SYT1: variants seen among roughly 807,000 people sequenced by gnomAD.
SYT1 encodes synaptotagmin 1, also known as synaptotagmin-1.
Under a neutral mutation model 44.8 loss-of-function variants are expected in SYT1, and 8 were observed. The observed-to-expected ratio is 0.18, with a 90% CI of 0.10 to 0.32. The LOEUF (loss-of-function observed/expected upper bound fraction) is 0.32. Among genes scored for constraint, SYT1 ranks in the 10% least tolerant of loss-of-function variants. The pLI is 1.00. For synonymous variants in SYT1, 154 were observed against 188.8 expected (o/e 0.82, Z 1.51); for missense variants, 286 against 509.3 (o/e 0.56, Z 4.22).
At chr12:79,295,566 T>A (rs1879839438) in intron 6 of SYT1, among the ~76,000 whole-genome samples, 1 of 152,184 alleles carries the variant, frequency 6.6e-6, no homozygotes, top group Non-Finnish European at 1.5e-5. Flanking sequence ...TAATAGAAAC[T>A]AGAAGATCTT....
chr12:79,326,128 T>C (rs1371269532), intron 8 of SYT1, among the ~76,000 whole-genome samples: 2 of 152,224 alleles, frequency 1.3e-5, no homozygotes, highest in African/African-American at 2.4e-5. Context: ...AATTTTAGCA[T>C]AATTATTGAA....
At chr12:79,224,592 A>C (rs1424096811) in intron 4 of SYT1, among the ~76,000 whole-genome samples, 2 of 152,180 alleles carry the variant, frequency 1.3e-5, no homozygotes, top group South Asian at 2.1e-4. Flanking sequence ...CAGAAGATAA[A>C]TTTGAATGTA....
At chr12:78,992,153 T>C (rs1377480480) in intron 2 of SYT1, among the ~76,000 whole-genome samples, 2 of 152,184 alleles carry the variant, frequency 1.3e-5, no homozygotes, top group Non-Finnish European at 2.9e-5. Context: ...TTACCTAAAA[T>C]TCATTGTGGA....
At chr12:79,251,522 C>G (rs574327920) in intron 4 of SYT1, among the ~76,000 whole-genome samples, 1 of 152,188 alleles carries the variant, frequency 6.6e-6, no homozygotes, top group Non-Finnish European at 1.5e-5. Context: ...GCAAAATAGT[C>G]TTCCCATAAA....
chr12:79,334,474 G>A (rs1881997524), intron 8 of SYT1, among the ~76,000 whole-genome samples: 1 of 152,140 alleles, frequency 6.6e-6, no homozygotes, highest in African/African-American at 2.4e-5. Flanking sequence ...TCAGGGAAAG[G>A]CTCGGCGAGG....
chr12:79,132,970 G>C (rs1185917490), intron 3 of SYT1, among the ~76,000 whole-genome samples: 1 of 152,154 alleles, frequency 6.6e-6, no homozygotes, highest in Non-Finnish European at 1.5e-5. Flanking sequence ...GAAGGTCATT[G>C]TCAAGTGAAA....
At chr12:79,058,148 C>A (rs1875105760) in intron 3 of SYT1, among the ~76,000 whole-genome samples, 2 of 151,960 alleles carry the variant, frequency 1.3e-5, no homozygotes, top group Admixed American at 6.6e-5. Context: ...GGAAGCAATA[C>A]AAGCAGTCCC....
intron 2 of SYT1, chr12:79,045,956 T>C (rs1874019541): frequency 6.6e-6 from 1 of 152,224 alleles, no homozygotes; most frequent in East Asian, 1.9e-4. Flanking sequence ...TTTACCTTAA[T>C]GTGTATGTCC....
chr12:79,435,509 T>C (rs553942143), intron 9 of SYT1, among the ~76,000 whole-genome samples: 21 of 152,190 alleles, frequency 1.4e-4, no homozygotes, highest in Middle Eastern at 6.8e-3. Context: ...ATCTACCTCA[T>C]AACTATATGG....
intron 4 of SYT1, among the ~76,000 whole-genome samples, chr12:79,235,212 TC>T (rs1876116720): frequency 6.6e-6 from 1 of 152,222 alleles, no homozygotes; most frequent in African/African-American, 2.4e-5. Context: ...TATTTATATC[TC>T]CACAGGTGAT....
At chr12:79,241,605 T>C (rs1876517686) in intron 4 of SYT1, among the ~76,000 whole-genome samples, 1 of 152,220 alleles carries the variant, frequency 6.6e-6, no homozygotes, top group Admixed American at 6.5e-5. Flanking sequence ...ATTCATGTTT[T>C]TATAAAGCAT....
At chr12:79,416,777 G>A (rs1868767322) in intron 9 of SYT1, among the ~76,000 whole-genome samples, 1 of 152,030 alleles carries the variant, frequency 6.6e-6, no homozygotes, top group South Asian at 2.1e-4. Context: ...TGCTTTGAAA[G>A]GAAAATTTGA....
At position 79,239,961 on chromosome 12, in the gene SYT1, C is replaced by T. The variant is rs145066016; in HGVS notation, c.166+22276C>T. 4.2e-3 allele frequency among the ~76,000 whole-genome samples: 634 copies of T among 152,328 alleles called. 1 individual carries two copies. Among genetic ancestry groups the T allele is most frequent in the African/African-American group, 0.014 (601 of 41,576 alleles). On this transcript the variant is annotated intron_variant, in intron 4 of 10. Transcript: ENST00000261205. ...GGCCTAGTCATGCTTTAAGGGCTTG[C>T]AACTGGGCTCACCCAGGACAGTCTC...
At chr12:79,397,266 G>T (rs1340918981) in intron 9 of SYT1, among the ~76,000 whole-genome samples, 1 of 152,188 alleles carries the variant, frequency 6.6e-6, no homozygotes, top group Non-Finnish European at 1.5e-5. Context: ...GTCTCCCTCT[G>T]TTGCCCAGGC....
intron 9 of SYT1, chr12:79,393,433 C>T (rs867691895): frequency 2.6e-5 from 4 of 152,152 alleles, no homozygotes; most frequent in Non-Finnish European, 4.4e-5. Context: ...AGTGTAAAAG[C>T]GTTCCTATTT....
At chr12:79,246,869 A>AT (rs1395142245) in intron 4 of SYT1, among the ~76,000 whole-genome samples, 1 of 152,198 alleles carries the variant, frequency 6.6e-6, no homozygotes, top group Admixed American at 6.5e-5. Flanking sequence ...TTTCTGGAAA[A>AT]TTAAGGGGAT....
chr12:79,021,163 C>T (rs1237668875), intron 2 of SYT1, among the ~76,000 whole-genome samples: 4 of 151,944 alleles, frequency 2.6e-5, no homozygotes, highest in African/African-American at 9.7e-5. Flanking sequence ...TATGCAGGCA[C>T]TCCTTAGATA....
chr12:79,167,236 A>C (rs1437423610), intron 3 of SYT1, among the ~76,000 whole-genome samples: 1 of 152,062 alleles, frequency 6.6e-6, no homozygotes, highest in African/African-American at 2.4e-5. Context: ...GATTTCAAGA[A>C]GACGTAGGGC....
chr12:79,217,654 G>A lies in SYT1; in HGVS notation c.135G>A (p.Glu45=). 1 of 1,612,836 alleles carries A rather than the reference G, an allele frequency of 6.2e-7. No homozygotes were observed. ...GKEDAFSKLK[E]KFMNELHKIP... is the part of the protein sequence containing the mutation. ...AAGATGCATTTTCTAAGCTGAAGGA[G>A]AAGTTTATGAATGAGTTGCATAAAA... Residue 45 remains glutamate (E), a synonymous_variant, in exon 4 of 11, where the codon GAG becomes GAA. Transcript: ENST00000261205.
Sources: allele counts gnomAD v4.1 joint callset (sites outside exome capture counted in the v4.1 genomes callset), GRCh38; gene constraint gnomAD v4.1.1; transcripts MANE v1.5; gene names NCBI Gene and HGNC (gene_info 2026-07-23, HGNC 2026-07-21).